FAAP24: variants seen among roughly 807,000 people sequenced by gnomAD.
FAAP24 encodes FA core complex associated protein 24.
Under a neutral mutation model 14.3 loss-of-function variants are expected in FAAP24, and 16 were observed. The observed-to-expected ratio is 1.12, with a 90% CI of 0.76 to 1.69. The LOEUF (loss-of-function observed/expected upper bound fraction) is 1.69, where lower values mean the gene tolerates loss of function less well. Ranked by LOEUF, FAAP24 falls within the 40% of genes most tolerant of loss-of-function variation. FAAP24 has a pLI of 0.00. For missense variants in FAAP24, 234 were observed against 262.7 expected, an observed-to-expected ratio of 0.89 and a Z score of 0.75; for synonymous variants, 111 against 106.2, an observed-to-expected ratio of 1.04 and a Z score of -0.28.
rs184284703 is a variant in FAAP24 at position 32,975,546 on chromosome 19, T to C, written c.397-885T>C. On this transcript the variant is annotated intron_variant, in intron 4 of 4. Coordinates refer to ENST00000588258, the MANE Select transcript of FAAP24 (RefSeq NM_152266.5). The stretch of plus-strand genomic sequence containing the variant: ...GCAGTCTCGGCTCACTGCAACCTCC[T>C]CCTCCTGAGTTCAAGTGATTCTCCT... Among the ~76,000 whole-genome samples the C allele has an allele frequency of 2.7e-3, 391 of 146,710 alleles. 3 individuals carry two copies. Among genetic ancestry groups the C allele is most frequent in the African/African-American group, 9.3e-3 (367 of 39,614 alleles).
rs1971536514 is a variant in FAAP24, at chr19:32,977,519, C to T, written c.*837C>T. The T allele has an allele frequency of 5.0e-6, 2 of 398,246 alleles. No homozygotes were observed. Among genetic ancestry groups the T allele is most frequent in the Non-Finnish European group, 8.8e-6 (2 of 226,114 alleles). The allele number at this position is 398,246 out of a possible 1,614,324, so 24.7% of individuals were successfully genotyped here. On this transcript the variant is annotated 3_prime_UTR_variant, in exon 5 of 5. Coordinates refer to ENST00000588258, the MANE Select transcript of FAAP24 (RefSeq NM_152266.5). ...CAGTTCCTTCCTCCTTTCCTTTGTT[C>T]CTCCCTCCCCCCGGCCTTTTTTTTT...
rs1423146811 is a variant in FAAP24, at chr19:32,976,467, C to G, written c.433C>G (p.Leu145Val). ...AACCAAAGAGCCCAGTAAGAACCCTCTTCTCGGGAAGAAACGGGCCCTGCT... is the reference window on the plus strand; with the variant it reads ...AACCAAAGAGCCCAGTAAGAACCCTGTTCTCGGGAAGAAACGGGCCCTGCT... ...EQTKEPSKNPLLGKKRALLLS... is the reference protein window; with the variant it reads ...EQTKEPSKNPVLGKKRALLLS... Residue 145 changes from leucine (L) to valine (V), a missense_variant, in exon 5 of 5, where the codon CTT (leucine) becomes GTT (valine). Physicochemically the swap from Leu to Val is conservative, Grantham distance 32 (BLOSUM62 1). Transcript: ENST00000588258. 1 of 1,614,240 alleles carries G rather than the reference C, an allele frequency of 6.2e-7. No homozygotes were observed. Among genetic ancestry groups the G allele is most frequent in the East Asian group, 2.2e-5 (1 of 44,880 alleles).
chr19:32,976,071 C>G (rs1483253816), intron 4 of FAAP24, among the ~76,000 whole-genome samples: 1 of 152,202 alleles, frequency 6.6e-6, no homozygotes, highest in South Asian at 2.1e-4. Context: ...TCCTTTGAGG[C>G]AGGCTTCCTG....
At chr19:32,973,996 T>A in intron 3 of FAAP24, 64 bp from the exon 4 acceptor site, 1 of 1,533,788 alleles carries the variant, frequency 6.5e-7, no homozygotes, top group East Asian at 2.3e-5. Context: ...CACGAAGTGA[T>A]AGCATTCTTA....
In FAAP24 at chr19:32,976,918, G is replaced by A. The variant is rs1971526005; in HGVS notation, c.*236G>A. The A allele has an allele frequency of 1.8e-6, 1 of 563,998 alleles. No individual in the cohort carries two copies. The highest frequency in any genetic ancestry group is 3.1e-6 in the Non-Finnish European group (1 of 323,718). The allele number at this position is 563,998 out of a possible 1,614,324, so 34.9% of individuals were successfully genotyped here. ...TAGCCAGGCATGGTGACAGGTGCCT[G>A]TAATCCCAGCTACTTGGGAGGCCGA... On this transcript the variant is annotated 3_prime_UTR_variant, in exon 5 of 5. Coordinates refer to ENST00000588258, the MANE Select transcript of FAAP24 (RefSeq NM_152266.5).
At chr19:32,974,576 C>G (rs4805024) in intron 4 of FAAP24, among the ~76,000 whole-genome samples, 133,737 of 152,038 alleles carry the variant, frequency 0.88, 58,859 homozygotes, top group South Asian at 0.95. Context: ...TTGAGGCCAG[C>G]AGTTCGAGAC....
intron 1 of FAAP24, 153 bp downstream of exon 1, chr19:32,972,499 A>C (rs1266330983): frequency 2.6e-6 from 1 of 390,604 alleles, no homozygotes; most frequent in East Asian, 3.6e-5. Context: ...CTGGTCTCGA[A>C]CTCCTGGGCA....
rs146261594 is a variant in FAAP24 at position 32,973,478 on chromosome 19, G to A, written c.159G>A (p.Ser53=). ...GCTTGACACCAGACTTTTATCTGTC[G>A]AACAGATGCTGCATTCTTTATGTCA... ...EDGLTPDFYL[S]NRCCILYVTE... Residue 53 remains serine, a synonymous_variant, in exon 3 of 5, where the codon TCG becomes TCA. Coordinates refer to ENST00000588258, the MANE Select transcript of FAAP24 (RefSeq NM_152266.5). 30 of 1,614,010 alleles carry A rather than the reference G, an allele frequency of 1.9e-5. No individual in the cohort carries two copies. Among genetic ancestry groups the A allele is most frequent in the Non-Finnish European group, 2.2e-5 (26 of 1,180,000 alleles).
At chr19:32,973,118 G>T in intron 1 of FAAP24, 66 bp from the exon 2 acceptor site, 2 of 1,226,040 alleles carry the variant, frequency 1.6e-6, no homozygotes, top group Non-Finnish European at 2.4e-6. Flanking sequence ...GCCCTGGCTT[G>T]GAGTGGAATG....
Position 32,976,660 on chromosome 19 carries a change from C to A in FAAP24, c.626C>A (p.Ala209Asp). The A allele has an allele frequency of 6.2e-7, 1 of 1,614,148 alleles. No homozygotes were observed. The highest frequency in any genetic ancestry group is 8.5e-7 in the Non-Finnish European group (1 of 1,180,016). Residue 209 changes from alanine to aspartate, a missense_variant, in exon 5 of 5, where the codon GCC becomes GAC. By Grantham distance (126) the Ala-to-Asp change is moderately radical. Transcript: ENST00000588258. Reference sequence around the variant, plus strand: ...CAAGCAGTGGCACAGCAGATCCATGCCTTCTTCACGCAGCCCAGGTGAGGG... The same window carrying A: ...CAAGCAGTGGCACAGCAGATCCATGACTTCTTCACGCAGCCCAGGTGAGGG... ...VGQAVAQQIH[A>D]FFTQPR is the part of the protein sequence containing the mutation.
In FAAP24 at chr19:32,973,413, T is replaced by G; in HGVS notation, c.107-13T>G. 6.2e-7 allele frequency: 1 copy of G among 1,612,380 alleles called. No individual in the cohort carries two copies. The highest frequency in any genetic ancestry group is 8.5e-7 in the Non-Finnish European group (1 of 1,179,298). On this transcript the variant is annotated splice_polypyrimidine_tract_variant and intron_variant, in intron 2 of 4. Coordinates refer to ENST00000588258, the MANE Select transcript of FAAP24 (RefSeq NM_152266.5). ...AAAGCTTATGGAACTCATTTTCTTC[T>G]CTGTATTTTAAGGGAAAATTAAGCT...
rs201990820 is a variant in FAAP24, at chr19:32,974,222, G to A, written c.396+10G>A. 84 of 1,609,952 alleles carry A rather than the reference G, an allele frequency of 5.2e-5. No individual in the cohort carries two copies. The African/African-American group carries it at 5.7e-4, about 11-fold the overall frequency. On this transcript the variant is annotated intron_variant, in intron 4 of 4. Transcript: ENST00000588258. ...CCTCGTCATCCAGTTGGTGAGTACC[G>A]ATTCCTACACCTTCGTGGTAGTCCT...
rs759911358 is a variant in FAAP24, at chr19:32,974,229, A to C, written c.396+17A>C. ...ATCCAGTTGGTGAGTACCGATTCCT[A>C]CACCTTCGTGGTAGTCCTGTCCTCA... On this transcript the variant is annotated intron_variant, in intron 4 of 4. Coordinates refer to ENST00000588258, the MANE Select transcript of FAAP24 (RefSeq NM_152266.5). 1.9e-6 allele frequency: 3 copies of C among 1,607,960 alleles called. No individual in the cohort carries two copies. The highest frequency in any genetic ancestry group is 2.5e-6 in the Non-Finnish European group (3 of 1,177,838).
At chr19:32,972,709 T>C (rs1971448171) in intron 1 of FAAP24, among the ~76,000 whole-genome samples, 1 of 113,356 alleles carries the variant, frequency 8.8e-6, no homozygotes, top group African/African-American at 3.6e-5. Context: ...GTTTTCTTTT[T>C]CTTTTCTTTT....
rs142110439 is a variant in FAAP24 at position 32,977,648 on chromosome 19, T to C, written c.*966T>C. On this transcript the variant is annotated 3_prime_UTR_variant, in exon 5 of 5. Coordinates refer to ENST00000588258, the MANE Select transcript of FAAP24 (RefSeq NM_152266.5). ...AAGTTGAAAACTCAACGGCCGGGCA[T>C]AGTGGCTCACACCTGTAATCCCAGC... The C allele has an allele frequency of 3.5e-3, 1,354 of 385,406 alleles. 21 individuals carry two copies. The highest frequency in any genetic ancestry group is 0.026 in the African/African-American group (1,250 of 48,366). The allele number at this position is 385,406 out of a possible 1,614,324, so 23.9% of individuals were successfully genotyped here. A position where few individuals can be genotyped will look rare whatever the true frequency, so the allele number is the denominator to read the frequency against.
At chr19:32,976,294 C>T (rs1192462361) in intron 4 of FAAP24, 137 bp from the exon 5 acceptor site, 14 of 1,061,914 alleles carry the variant, frequency 1.3e-5, no homozygotes, top group Non-Finnish European at 1.8e-5. Context: ...AAATTATATT[C>T]ATGATACATG....
Position 32,973,520 on chromosome 19 carries a change from G to A in FAAP24, c.201G>A (p.Val67=), listed in dbSNP as rs1266047309. ...CILYVTEADL[V]AGNGYRKRLV... Reference sequence around the variant, plus strand: ...TTTATGTCACCGAAGCTGATTTGGTGGCAGGAAATGGCTACAGAAAGAGGC... The same window carrying A: ...TTTATGTCACCGAAGCTGATTTGGTAGCAGGAAATGGCTACAGAAAGAGGC... Residue 67 remains valine (V), a synonymous_variant, in exon 3 of 5, where the codon GTG becomes GTA. Transcript: ENST00000588258. 4 of 1,614,072 alleles carry A rather than the reference G, an allele frequency of 2.5e-6. No individual in the cohort carries two copies. Among genetic ancestry groups the A allele is most frequent in the African/African-American group, 2.7e-5 (2 of 74,906 alleles).
chr19:32,976,788 C>T lies in FAAP24; in HGVS notation c.*106C>T, dbSNP rs970722864. 2 of 1,423,206 alleles carry T rather than the reference C, an allele frequency of 1.4e-6. No homozygotes were observed. Among genetic ancestry groups the T allele is most frequent in the Admixed American group, 4.4e-5 (2 of 45,348 alleles). 88.2% of individuals were successfully genotyped at this position (1,423,206 alleles called of 1,614,324 possible). On this transcript the variant is annotated 3_prime_UTR_variant, in exon 5 of 5. Transcript: ENST00000588258. Reference sequence around the variant, plus strand: ...ATGGGCCGGGTGCACTGGCTCACGCCTCTAATCTCAGCACTTTGGGAGGCC... The same window carrying T: ...ATGGGCCGGGTGCACTGGCTCACGCTTCTAATCTCAGCACTTTGGGAGGCC...
chr19:32,974,199 T>C lies in FAAP24; in HGVS notation c.383T>C (p.Leu128Pro), dbSNP rs949576494. 1 of 1,613,060 alleles carries C rather than the reference T, an allele frequency of 6.2e-7. No individual in the cohort carries two copies. The highest frequency in any genetic ancestry group is 1.3e-5 in the African/African-American group (1 of 74,876). ...PVASQMEASC[L>P]VIQLVQEQTK... ...GCCAGCCAGATGGAAGCATCCTGCCTCGTCATCCAGTTGGTGAGTACCGAT... is the reference window on the plus strand; with the variant it reads ...GCCAGCCAGATGGAAGCATCCTGCCCCGTCATCCAGTTGGTGAGTACCGAT... Residue 128 changes from leucine (L) to proline (P), a missense_variant, in exon 4 of 5, where the codon CTC (leucine) becomes CCC (proline). Leu to Pro is a moderately conservative substitution (Grantham distance 98). Transcript: ENST00000588258.
Sources: allele counts gnomAD v4.1 joint callset (sites outside exome capture counted in the v4.1 genomes callset), GRCh38; gene constraint gnomAD v4.1.1; transcripts MANE v1.5; gene names NCBI Gene and HGNC (gene_info 2026-07-23, HGNC 2026-07-21).